Variants in ANKRD55 observed in about 807,000 individuals in gnomAD.
ANKRD55 encodes ankyrin repeat domain-containing protein 55.
Under a neutral mutation model 60.6 loss-of-function variants are expected in ANKRD55, and 41 were observed. The observed-to-expected ratio is 0.68, with a 90% CI of 0.53 to 0.88. The LOEUF is 0.88. Among genes scored for constraint, ANKRD55 ranks in the 40% least tolerant of loss-of-function variants. The pLI is 0.00. For synonymous variants in ANKRD55, 264 were observed against 290.3 expected, an observed-to-expected ratio of 0.91 and a Z score of 0.92; for missense variants, 732 against 767.6, an observed-to-expected ratio of 0.95 and a Z score of 0.55.
At chr5:56,216,436 T>C (rs1759811509) in intron 2 of ANKRD55, among the ~76,000 whole-genome samples, 1 of 152,164 alleles carries the variant, frequency 6.6e-6, no homozygotes, top group Non-Finnish European at 1.5e-5. Flanking sequence ...GAGTCACAAA[T>C]CTCTCACTTT....
chr5:56,164,040 C>T (rs1046866339), intron 5 of ANKRD55, among the ~76,000 whole-genome samples: 5 of 151,944 alleles, frequency 3.3e-5, no homozygotes, highest in African/African-American at 1.2e-4. Context: ...TGCAGTGAGC[C>T]GAGATTATGC....
At chr5:56,134,682 C>G (rs1757510991) in intron 7 of ANKRD55, among the ~76,000 whole-genome samples, 1 of 151,804 alleles carries the variant, frequency 6.6e-6, no homozygotes. Flanking sequence ...ACCAAACATT[C>G]AAGAAAAATA....
chr5:56,163,714 A>G (rs969514418), intron 5 of ANKRD55, among the ~76,000 whole-genome samples: 8 of 152,186 alleles, frequency 5.3e-5, no homozygotes, highest in African/African-American at 1.4e-4. Flanking sequence ...TGCAGAGAAT[A>G]ATACCTACTT....
At position 56,208,289 on chromosome 5, in the gene ANKRD55, TA is replaced by T. The variant is rs959477217; in HGVS notation, c.58+24566del. ...CTTCTTGTTCGCTTAAAAAATAGCT[TA>T]AAAAAAAAAGTAAAAGGAGTATAAA... On this transcript the variant is annotated intron_variant, in intron 2 of 11. Coordinates refer to ENST00000341048, the MANE Select transcript of ANKRD55 (RefSeq NM_024669.3). 5.7e-3 allele frequency among the ~76,000 whole-genome samples: 822 copies of T among 145,236 alleles called. 8 individuals carry two copies. The highest frequency in any genetic ancestry group is 0.018 in the African/African-American group (726 of 39,672).
intron 2 of ANKRD55, among the ~76,000 whole-genome samples, chr5:56,205,405 G>T (rs1261798692): frequency 6.6e-6 from 1 of 152,144 alleles, no homozygotes; most frequent in Non-Finnish European, 1.5e-5. Context: ...TAGTTCTGGT[G>T]GGTAGAAGTT....
At chr5:56,153,250 T>C (rs1306598701) in intron 6 of ANKRD55, among the ~76,000 whole-genome samples, 1 of 147,080 alleles carries the variant, frequency 6.8e-6, no homozygotes, top group Non-Finnish European at 1.5e-5. Flanking sequence ...AAAAAACCAG[T>C]ACTTCCACTA....
intron 6 of ANKRD55, among the ~76,000 whole-genome samples, chr5:56,155,170 C>T (rs1280473382): frequency 6.7e-6 from 1 of 150,068 alleles, no homozygotes; most frequent in Non-Finnish European, 1.5e-5. Flanking sequence ...CTGCAGTGGG[C>T]TGTGATCGTG....
intron 7 of ANKRD55, among the ~76,000 whole-genome samples, chr5:56,143,012 T>C (rs957939586): frequency 1.3e-5 from 2 of 152,234 alleles, no homozygotes; most frequent in East Asian, 3.9e-4. Context: ...ACTTGGCACA[T>C]GGAAATGCTG....
chr5:56,100,191 C>T lies in ANKRD55; in HGVS notation c.1837G>A (p.Glu613Lys), dbSNP rs752706061. The change falls in exon 12 of 12, where the codon GAA (glutamate) becomes AAA (lysine). Residue 613 changes from glutamate (E) to lysine (K), a missense_variant. Around this residue, in one of 3 missense-constraint regions of ANKRD55, gnomAD observed 597 missense variants for 607.5 expected, o/e 0.98. Coordinates refer to ENST00000341048, the MANE Select transcript of ANKRD55 (RefSeq NM_024669.3). The part of the protein sequence containing the change: ...SEHSANPTSD[E>K]N ...CAGCGAGTGGCCCACAGTTAATTTT[C>T]ATCACTGGTGGGGTTGGCAGAATGT... 1.2e-6 allele frequency: 2 copies of T among 1,614,158 alleles called. No individual in the cohort carries two copies. Among genetic ancestry groups the T allele is most frequent in the Admixed American group, 3.3e-5 (2 of 60,014 alleles).
intron 2 of ANKRD55, chr5:56,193,750 T>A (rs1467542391): frequency 6.0e-6 from 1 of 165,500 alleles, no homozygotes; most frequent in African/African-American, 2.4e-5. Context: ...AAGTGAACAT[T>A]CCATATAGAA....
At chr5:56,108,323 A>G (rs318792) in intron 10 of ANKRD55, 32,489 of 152,108 alleles carry the variant, frequency 0.21, 4,012 homozygotes, top group Middle Eastern at 0.35. Flanking sequence ...TTTTCACATG[A>G]TTTTCATAAC....
At position 56,217,757 on chromosome 5, in the gene ANKRD55, G is replaced by A. The variant is rs193176320; in HGVS notation, c.58+15099C>T. 1.2e-3 allele frequency among the ~76,000 whole-genome samples: 190 copies of A among 152,160 alleles called. 3 individuals are homozygous for A. In the Middle Eastern group the frequency reaches 0.027, roughly 22 times the overall value. ...AAAATACAAAAAAAATTAGCCGGGC[G>A]TGGTGGGGGGCACCTGTAGTCCCAG... On this transcript the variant is annotated intron_variant, in intron 2 of 11. Transcript: ENST00000341048.
intron 2 of ANKRD55, among the ~76,000 whole-genome samples, chr5:56,207,519 C>T (rs2111867535): frequency 6.6e-6 from 1 of 152,242 alleles, no homozygotes; most frequent in Admixed American, 6.5e-5. Context: ...CTACACAAAC[C>T]TAGATGGTAT....
Position 56,116,688 on chromosome 5 carries a change from C to T in ANKRD55, c.892G>A (p.Glu298Lys), listed in dbSNP as rs1411335563. The stretch of plus-strand genomic sequence containing the variant: ...AGGGCATAGGCCAAGGGCGTGCTCT[C>T]ATTGATGTCCCGCAGGTTGCTGTCC... ...GMDSNLRDINESTPLAYALYC... is the reference protein window; with the variant it reads ...GMDSNLRDINKSTPLAYALYC... The change falls in exon 9 of 12, where the codon GAG (glutamate) becomes AAG (lysine). Residue 298 changes from glutamate to lysine, a missense_variant. Physicochemically the swap from Glu to Lys is moderately conservative, Grantham distance 56 (BLOSUM62 1). Transcript: ENST00000341048. 1.2e-6 allele frequency: 2 copies of T among 1,614,106 alleles called. No individual in the cohort carries two copies. Among genetic ancestry groups the T allele is most frequent in the African/African-American group, 1.3e-5 (1 of 75,066 alleles).
intron 11 of ANKRD55, among the ~76,000 whole-genome samples, chr5:56,101,387 G>T (rs1435399155): frequency 6.7e-6 from 1 of 148,162 alleles, no homozygotes; most frequent in African/African-American, 2.4e-5. Context: ...TTAGGAGGAT[G>T]TGGAGGGGCT....
intron 6 of ANKRD55, among the ~76,000 whole-genome samples, chr5:56,151,856 T>C (rs1758057632): frequency 6.7e-6 from 1 of 150,108 alleles, no homozygotes; most frequent in Non-Finnish European, 1.5e-5. Context: ...TGTGTATATA[T>C]ATGTATATAT....
At chr5:56,135,265 T>A (rs1254715535) in intron 7 of ANKRD55, among the ~76,000 whole-genome samples, 2 of 102,822 alleles carry the variant, frequency 1.9e-5, no homozygotes, top group Non-Finnish European at 3.6e-5. Context: ...CTTCCTTCTT[T>A]CCCTCCCTCC....
chr5:56,185,414 C>A (rs768693247), intron 2 of ANKRD55, among the ~76,000 whole-genome samples: 56 of 152,274 alleles, frequency 3.7e-4, no homozygotes, highest in Admixed American at 9.2e-4. Context: ...CGCCTGTAAT[C>A]GCAGCACTTT....
chr5:56,138,423 G>A (rs571186541), intron 7 of ANKRD55, among the ~76,000 whole-genome samples: 89 of 152,266 alleles, frequency 5.8e-4, no homozygotes, highest in African/African-American at 2.1e-3. Flanking sequence ...AACGTGCCTG[G>A]TCATTTTGGT....
Sources: allele counts gnomAD v4.1 joint callset (sites outside exome capture counted in the v4.1 genomes callset), GRCh38; gene constraint gnomAD v4.1.1; regional missense constraint gnomAD v4.1.1; transcripts MANE v1.5; gene names NCBI Gene and HGNC (gene_info 2026-07-23, HGNC 2026-07-21).